CCDC7: variants seen among roughly 807,000 people sequenced by gnomAD.
The protein encoded by CCDC7 is coiled-coil domain containing 7.
CCDC7 carries 183 observed loss-of-function variants against 196.9 expected under a neutral mutation model. The ratio of observed to expected loss-of-function variants is 0.93; its 90% confidence interval spans 0.82 to 1.05. The LOEUF is 1.05. Ranked by LOEUF, CCDC7 falls within the 50% of genes least tolerant of loss-of-function variation. The pLI is 0.00. For synonymous variants in CCDC7, 525 were observed against 484.6 expected, an observed-to-expected ratio of 1.08 and a Z score of -1.10; for missense variants, 1,540 against 1,482.2, an observed-to-expected ratio of 1.04 and a Z score of -0.64.
At chr10:32,551,247 C>T (rs2053427074) in intron 13 of CCDC7, among the ~76,000 whole-genome samples, 1 of 152,088 alleles carries the variant, frequency 6.6e-6, no homozygotes, top group African/African-American at 2.4e-5. Context: ...GTTGTAATAT[C>T]TCCTGTTTTA....
At chr10:32,454,963 G>A (rs2033985425) in intron 2 of CCDC7, among the ~76,000 whole-genome samples, 1 of 152,120 alleles carries the variant, frequency 6.6e-6, no homozygotes. Flanking sequence ...AGCTTAAATA[G>A]CATGGTCCAC....
rs146679927 is a variant in CCDC7, at chr10:32,451,870, C to CT, written c.230dup (p.Leu77PhefsTer6). 0.02 allele frequency: 32,530 copies of CT among 1,613,114 alleles called. 377 individuals are homozygous for CT. Among genetic ancestry groups the CT allele is most frequent in the Non-Finnish European group, 0.024 (28,221 of 1,179,764 alleles). On this transcript the variant is annotated frameshift_variant, in exon 1 of 42. Transcript: ENST00000639629. LOFTEE classifies it high-confidence loss of function. ...CCATTCCATCGAGTAAGACAAAGAA[C>CT]TTACTACCAGAAGATGAAATGATCG...
chr10:32,604,735 T>A (rs1282578176), intron 18 of CCDC7, among the ~76,000 whole-genome samples: 3 of 152,158 alleles, frequency 2.0e-5, no homozygotes, highest in Non-Finnish European at 4.4e-5. Context: ...TTCTTTAATG[T>A]TGTATAGAAA....
chr10:32,615,754 A>G (rs2990972), intron 18 of CCDC7, among the ~76,000 whole-genome samples: 21,001 of 152,096 alleles, frequency 0.14, 1,754 homozygotes, highest in East Asian at 0.25. Context: ...GCTTAAGTCA[A>G]TGTCCAGAAG....
chr10:32,462,462 A>C (rs563653800), intron 3 of CCDC7, among the ~76,000 whole-genome samples: 2 of 152,206 alleles, frequency 1.3e-5, no homozygotes, highest in East Asian at 3.9e-4. Context: ...AAAAAGAAAA[A>C]TTATTTTTAA....
chr10:32,729,100 C>A, intron 27 of CCDC7, 103 bp downstream of exon 28: 1 of 905,814 alleles, frequency 1.1e-6, no homozygotes. Flanking sequence ...ATTTCATCAA[C>A]TTTTAACTTT....
intron 9 of CCDC7, chr10:32,511,771 C>T: frequency 3.4e-6 from 5 of 1,482,798 alleles, no homozygotes; most frequent in South Asian, 1.1e-5. Context: ...CGACTCCAGC[C>T]TCCCGGAAAG....
intron 21 of CCDC7, among the ~76,000 whole-genome samples, chr10:32,664,447 C>T (rs188605028): frequency 1.3e-5 from 2 of 152,110 alleles, no homozygotes; most frequent in Admixed American, 1.3e-4. Flanking sequence ...ATCTCTTAAA[C>T]GTTTCTCATT....
Position 32,706,382 on chromosome 10 carries a change from C to T in CCDC7, c.2459-5238C>T, listed in dbSNP as rs533770588. Among the ~76,000 whole-genome samples the T allele has an allele frequency of 2.4e-3, 359 of 151,966 alleles. 2 individuals carry two copies. Among genetic ancestry groups the T allele is most frequent in the Non-Finnish European group, 4.0e-3 (270 of 67,898 alleles). On this transcript the variant is annotated intron_variant, in intron 24 of 41. Transcript: ENST00000639629. ...AGAGAAAGCAGGAAAGATCTAAAAT[C>T]GATACCCTAACATCACAATTAAAAG...
chr10:32,845,768 T>C (rs374887927), intron 35 of CCDC7, 108 bp from the exon 37 acceptor site: 1 of 750,066 alleles, frequency 1.3e-6, no homozygotes, highest in Admixed American at 2.5e-5. Flanking sequence ...CTTCCATAAT[T>C]ACACACACAC....
At chr10:32,450,420 G>A (rs1488416013), upstream of CCDC7, among the ~76,000 whole-genome samples, 1 of 152,176 alleles carries the variant, frequency 6.6e-6, no homozygotes, top group East Asian at 1.9e-4. Context: ...TGGGGGCTTA[G>A]GACTTGAACA....
intron 18 of CCDC7, 130 bp downstream of exon 19, chr10:32,584,434 G>A (rs1413333845): frequency 5.7e-6 from 3 of 530,090 alleles, no homozygotes; most frequent in Non-Finnish European, 9.7e-6. Flanking sequence ...TCACTGGATA[G>A]CATACAAATA....
chr10:32,660,815 A>G (rs113385588), intron 20 of CCDC7, among the ~76,000 whole-genome samples: 2 of 148,910 alleles, frequency 1.3e-5, no homozygotes, highest in African/African-American at 2.5e-5. Flanking sequence ...ACCTTATACA[A>G]AAATCAATTC....
chr10:32,504,115 G>GGTT (rs1564481000), intron 9 of CCDC7, among the ~76,000 whole-genome samples: 3 of 96,272 alleles, frequency 3.1e-5, no homozygotes, highest in African/African-American at 4.3e-5. Context: ...TTTATTGCTG[G>GGTT]TTTTTTTTTT....
At position 32,832,524 on chromosome 10, in the gene CCDC7, T is replaced by C. The variant is rs548297488; in HGVS notation, c.3269-2291T>C. On this transcript the variant is annotated intron_variant, in intron 32 of 41. Transcript: ENST00000639629. ...TTATGGAGGCCAGAAGGCAGTAGGA[T>C]GGCATTTTCAAAGGGCTGCAAGAAA... Among the ~76,000 whole-genome samples, 8 of 152,160 alleles carry C rather than the reference T, an allele frequency of 5.3e-5. No homozygotes were observed. In the South Asian group the frequency reaches 1.5e-3, roughly 28 times the overall value.
chr10:32,841,271 TC>T (rs1490054969), intron 33 of CCDC7, among the ~76,000 whole-genome samples: 1 of 151,924 alleles, frequency 6.6e-6, no homozygotes. Flanking sequence ...TCCAAAAAGC[TC>T]CCAGAACTCG....
At chr10:32,876,633 A>C (rs1429786912), downstream of CCDC7, 1 of 357,788 alleles carries the variant, frequency 2.8e-6, no homozygotes, top group Non-Finnish European at 5.0e-6. Flanking sequence ...AATTTTAAAG[A>C]AGTTATGCAA....
At chr10:32,494,965 A>C (rs1454567396) in intron 9 of CCDC7, among the ~76,000 whole-genome samples, 1 of 152,304 alleles carries the variant, frequency 6.6e-6, no homozygotes, top group East Asian at 1.9e-4. Flanking sequence ...TTGAGGAATC[A>C]CCACACTGTC....
At chr10:32,475,957 A>G (rs1210715932) in intron 8 of CCDC7, among the ~76,000 whole-genome samples, 2 of 152,194 alleles carry the variant, frequency 1.3e-5, no homozygotes, top group South Asian at 2.1e-4. Context: ...CAGAGCTCCC[A>G]TTAGTGCAGT....
Sources: allele counts gnomAD v4.1 joint callset (sites outside exome capture counted in the v4.1 genomes callset), GRCh38; gene constraint gnomAD v4.1.1; transcripts MANE v1.5; gene names NCBI Gene and HGNC (gene_info 2026-07-23, HGNC 2026-07-21).